The following PDE3B variants were observed in gnomAD, a reference collection of about 807,000 sequenced individuals.
PDE3B encodes phosphodiesterase 3B, also known as cGMP-inhibited 3',5'-cyclic phosphodiesterase 3B.
In PDE3B, 66 loss-of-function variants were observed where a neutral mutation model predicts 116.8. That is an observed-to-expected ratio of 0.56 (90% CI 0.46 to 0.69). The LOEUF is 0.69. Among genes scored for constraint, PDE3B ranks in the 30% least tolerant of loss-of-function variants. PDE3B has a pLI of 0.00. For missense variants in PDE3B, 1,384 were observed against 1,368.1 expected (o/e 1.01, Z -0.18); for synonymous variants, 595 against 533.6 (o/e 1.12, Z -1.59).
At chr11:14,898,424 C>G in the PDE3B span, among the ~76,000 whole-genome samples, 1 of 152,162 alleles carries the variant, frequency 6.6e-6, no homozygotes, top group African/African-American at 2.4e-5. Context: ...GATTATGCCT[C>G]ACACCACAAT....
In PDE3B at chr11:14,795,871, C is replaced by CTTA. The variant is rs940476746; in HGVS notation, c.1415+6643_1415+6645dup. Among the ~76,000 whole-genome samples the CTTA allele has an allele frequency of 5.3e-5, 8 of 151,676 alleles. No individual in the cohort carries two copies. In the East Asian group the frequency reaches 1.2e-3, roughly 22 times the overall value. ...AGTGTTTGAAAGCTCAATTCATTATCTTATTATTATTATTATCATTATACT... is the reference window on the plus strand; with the variant it reads ...AGTGTTTGAAAGCTCAATTCATTATCTTATTATTATTATTATTATCATTATACT... On this transcript the variant is annotated intron_variant, in intron 4 of 15. Coordinates refer to ENST00000282096, the MANE Select transcript of PDE3B (RefSeq NM_000922.4).
chr11:14,884,717 A>T, the PDE3B span, among the ~76,000 whole-genome samples: 4 of 151,964 alleles, frequency 2.6e-5, no homozygotes, highest in African/African-American at 9.7e-5. Context: ...AAAAAGAAAT[A>T]AAAAAACACA....
chr11:14,664,219 G>A (rs1854043468), intron 1 of PDE3B, among the ~76,000 whole-genome samples: 2 of 152,066 alleles, frequency 1.3e-5, no homozygotes, highest in South Asian at 2.1e-4. Flanking sequence ...TGAAACCAAC[G>A]AGAACAAAGA....
chr11:14,644,394 T>A lies in PDE3B; in HGVS notation c.319T>A (p.Trp107Arg). ...CGAGAGCTGGGCTGCCGGGGCCGCC[T>A]GGCTGCGGACGCTGCTGAGCGTGTG... ...EPESWAAGAAWLRTLLSVCSH... is the reference protein window; with the variant it reads ...EPESWAAGAARLRTLLSVCSH... The change falls in exon 1 of 16, where the codon TGG becomes AGG. Residue 107 changes from tryptophan (W) to arginine (R), a missense_variant. Trp to Arg is a moderately radical substitution (Grantham distance 101). Around this residue, in one of 2 missense-constraint regions of PDE3B, gnomAD observed 956 missense variants for 806.8 expected, o/e 1.18. Coordinates refer to ENST00000282096, the MANE Select transcript of PDE3B (RefSeq NM_000922.4). 1 of 1,605,204 alleles carries A rather than the reference T, an allele frequency of 6.2e-7. No homozygotes were observed. The highest frequency in any genetic ancestry group is 8.5e-7 in the Non-Finnish European group (1 of 1,176,718).
chr11:14,881,356 A>G, the PDE3B span, among the ~76,000 whole-genome samples: 4 of 152,216 alleles, frequency 2.6e-5, no homozygotes, highest in East Asian at 7.7e-4. Context: ...TAATGCTGAT[A>G]TTGCCTGCCT....
chr11:14,802,604 C>A (rs932179824), intron 4 of PDE3B, among the ~76,000 whole-genome samples: 1 of 152,154 alleles, frequency 6.6e-6, no homozygotes, highest in African/African-American at 2.4e-5. Context: ...AACCATCTTG[C>A]CTGGGAACAC....
At chr11:14,847,520 A>G (rs1325425601) in intron 12 of PDE3B, among the ~76,000 whole-genome samples, 1 of 151,792 alleles carries the variant, frequency 6.6e-6, no homozygotes, top group African/African-American at 2.4e-5. Context: ...TAGAGACACA[A>G]AAAACCCTTC....
chr11:14,888,101 G>C, the PDE3B span, among the ~76,000 whole-genome samples: 2 of 152,070 alleles, frequency 1.3e-5, no homozygotes, highest in Non-Finnish European at 2.9e-5. Context: ...TTTGTGGTGA[G>C]ACCTGTTCTG....
At chr11:14,794,237 C>CG (rs1359423899) in intron 4 of PDE3B, among the ~76,000 whole-genome samples, 1 of 152,070 alleles carries the variant, frequency 6.6e-6, no homozygotes, top group Admixed American at 6.6e-5. Context: ...AGCAAGCAAG[C>CG]GAGCAAGCAA....
chr11:14,714,245 T>G (rs186270573), intron 1 of PDE3B, among the ~76,000 whole-genome samples: 1 of 152,090 alleles, frequency 6.6e-6, no homozygotes, highest in Non-Finnish European at 1.5e-5. Context: ...TATATATGTG[T>G]GTGTCTTGCT....
chr11:14,672,432 A>G (rs1854400184), intron 1 of PDE3B, among the ~76,000 whole-genome samples: 1 of 152,174 alleles, frequency 6.6e-6, no homozygotes, highest in Admixed American at 6.6e-5. Flanking sequence ...CCTACTAAGA[A>G]GGGAAAATCA....
chr11:14,703,321 A>G (rs2133819806), intron 1 of PDE3B, among the ~76,000 whole-genome samples: 1 of 151,818 alleles, frequency 6.6e-6, no homozygotes, highest in African/African-American at 2.4e-5. Context: ...AAATTATGAT[A>G]TATAGTATTT....
Position 14,843,923 on chromosome 11 carries a change from T to C in PDE3B, c.2417T>C (p.Ile806Thr). Residue 806 changes from isoleucine to threonine, a missense_variant, in exon 12 of 16, where the codon ATT (isoleucine) becomes ACT (threonine). Ile to Thr is a moderately conservative substitution (Grantham distance 89). Transcript: ENST00000282096. ...AGTTATGGCTGCCTGTCTTCAAACA[T>C]TCCTGCATTAGAATTGATGGCTCTA... is the stretch of plus-strand genomic sequence containing the variant. ...DESYGCLSSNIPALELMALYV... is the reference protein window; with the variant it reads ...DESYGCLSSNTPALELMALYV... The C allele has an allele frequency of 6.2e-7, 1 of 1,614,066 alleles. No individual in the cohort carries two copies. The highest frequency in any genetic ancestry group is 8.5e-7 in the Non-Finnish European group (1 of 1,179,918).
chr11:14,652,219 C>T (rs1414821172), intron 1 of PDE3B, among the ~76,000 whole-genome samples: 1 of 151,984 alleles, frequency 6.6e-6, no homozygotes, highest in South Asian at 2.1e-4. Flanking sequence ...TTTTCTAAGA[C>T]CATTTGTTGA....
At chr11:14,683,554 GTCTA>G (rs1479534052) in intron 1 of PDE3B, among the ~76,000 whole-genome samples, 7 of 151,748 alleles carry the variant, frequency 4.6e-5, no homozygotes, top group African/African-American at 1.7e-4. Flanking sequence ...GGTAATTTAT[GTCTA>G]TCTTTTTTTC....
chr11:14,684,193 C>T (rs117731766), intron 1 of PDE3B, among the ~76,000 whole-genome samples: 2,210 of 152,256 alleles, frequency 0.015, 28 homozygotes, highest in Non-Finnish European at 0.021. Context: ...CAGGGGAACC[C>T]ACCCCCCGTA....
At chr11:14,800,267 C>A (rs1310937488) in intron 4 of PDE3B, among the ~76,000 whole-genome samples, 2 of 152,128 alleles carry the variant, frequency 1.3e-5, no homozygotes, top group Non-Finnish European at 2.9e-5. Context: ...GAGTTCGATT[C>A]CAGCCTGACC....
At chr11:14,885,744 GTAAATCAC>G in the PDE3B span, 1 of 1,600,366 alleles carries the variant, frequency 6.2e-7, no homozygotes, top group South Asian at 1.1e-5. Context: ...AAATATCTTA[GTAAATCAC>G]TAAATAGGTG....
chr11:14,739,689 A>G (rs1204221865), intron 1 of PDE3B, among the ~76,000 whole-genome samples: 3 of 152,188 alleles, frequency 2.0e-5, no homozygotes, highest in Non-Finnish European at 4.4e-5. Context: ...CTGGTTTTCA[A>G]ATGGAATGCT....
Sources: gnomAD v4.1 joint callset for allele counts (sites outside exome capture counted in the v4.1 genomes callset) on GRCh38, gnomAD v4.1.1 for gene constraint, gnomAD v4.1.1 regional missense constraint, MANE v1.5 for transcripts, NCBI Gene and HGNC (gene_info 2026-07-23, HGNC 2026-07-21) for gene names.